The following SETDB2 variants were observed in gnomAD, a reference collection of about 807,000 sequenced individuals.
SETDB2 encodes histone-lysine N-methyltransferase SETDB2.
SETDB2 carries 56 observed loss-of-function variants against 82.5 expected under a neutral mutation model. That is an observed-to-expected ratio of 0.68 (90% CI 0.55 to 0.85). The LOEUF (loss-of-function observed/expected upper bound fraction) is 0.85, where lower values mean the gene tolerates loss of function less well. Ranked by LOEUF, SETDB2 falls within the 40% of genes least tolerant of loss-of-function variation. The pLI is 0.00. For missense variants in SETDB2, 677 were observed against 816.4 expected (o/e 0.83, Z 2.08); for synonymous variants, 272 against 284.9 (o/e 0.95, Z 0.46).
chr13:49,459,818 A>G (rs181144361), intron 2 of SETDB2: 1 of 259,886 alleles, frequency 3.8e-6, no homozygotes, highest in African/African-American at 2.3e-5. Flanking sequence ...CATATACCCC[A>G]CAACCACTCT....
At chr13:49,477,139 C>A (rs1170414548) in intron 6 of SETDB2, 100 bp downstream of exon 6, 4 of 1,140,148 alleles carry the variant, frequency 3.5e-6, no homozygotes, top group Admixed American at 5.9e-5. Flanking sequence ...AAAACCTGTT[C>A]AAGAGTTACA....
At chr13:49,452,881 G>C (rs914248065) in intron 2 of SETDB2, among the ~76,000 whole-genome samples, 4 of 152,154 alleles carry the variant, frequency 2.6e-5, no homozygotes, top group Admixed American at 2.0e-4. Flanking sequence ...AAGGGTACAT[G>C]CTGTCAGCAT....
intron 10 of SETDB2, 59 bp downstream of exon 10, chr13:49,483,622 T>TTTG: frequency 2.7e-6 from 1 of 368,368 alleles, no homozygotes; most frequent in South Asian, 3.5e-5. Flanking sequence ...TTTTTTTTTT[T>TTTG]TTTTTTTTTT....
chr13:49,487,144 C>T (rs1958613156), intron 11 of SETDB2, among the ~76,000 whole-genome samples: 1 of 152,070 alleles, frequency 6.6e-6, no homozygotes, highest in East Asian at 1.9e-4. Context: ...ATGGCTTACA[C>T]GTAACCCATG....
intron 5 of SETDB2, among the ~76,000 whole-genome samples, chr13:49,472,623 C>T (rs1200852038): frequency 1.3e-5 from 2 of 151,968 alleles, no homozygotes; most frequent in African/African-American, 4.8e-5. Flanking sequence ...AAAGTTAACC[C>T]TCCTCTCCAT....
Position 49,481,076 on chromosome 13 carries a change from A to G in SETDB2, c.1116A>G (p.Leu372=). Residue 372 remains leucine (L), a synonymous_variant, in exon 8 of 14, where the codon CTA becomes CTG. Transcript: ENST00000611815. ...TEQKGWGVRC[L]DDIDRGTFVC... is the part of the protein sequence containing the mutation. ...AGAAGGGATGGGGTGTACGCTGTCT[A>G]GATGACATTGACAGAGGGACATTTG... is the stretch of plus-strand genomic sequence containing the variant. 1.2e-6 allele frequency: 2 copies of G among 1,613,832 alleles called. No homozygotes were observed. The highest frequency in any genetic ancestry group is 1.7e-6 in the Non-Finnish European group (2 of 1,179,822).
At chr13:49,450,743 A>G (rs555543798) in intron 1 of SETDB2, among the ~76,000 whole-genome samples, 1 of 152,180 alleles carries the variant, frequency 6.6e-6, no homozygotes, top group African/African-American at 2.4e-5. Context: ...GAAGTGGCAG[A>G]AGAATTTACA....
chr13:49,485,285 G>A lies in SETDB2; in HGVS notation c.1483-345G>A, dbSNP rs1958575865. On this transcript the variant is annotated intron_variant, in intron 10 of 13. Coordinates refer to ENST00000611815, the MANE Select transcript of SETDB2 (RefSeq NM_001160308.3). ...GTTTTTCATCTTTACACAACTTACA[G>A]TTGAAGGCAAATTTATAATCTAGTA... Among the ~76,000 whole-genome samples, 4 of 152,210 alleles carry A rather than the reference G, an allele frequency of 2.6e-5. No individual in the cohort carries two copies. In the South Asian group the frequency reaches 8.3e-4, roughly 31 times the overall value.
intron 5 of SETDB2, among the ~76,000 whole-genome samples, chr13:49,469,028 T>C (rs971246128): frequency 6.6e-6 from 1 of 152,200 alleles, no homozygotes; most frequent in African/African-American, 2.4e-5. Flanking sequence ...TATTTAGATA[T>C]TATATTTTAA....
At position 49,477,038 on chromosome 13, in the gene SETDB2, A is replaced by G. The variant is rs1482662816; in HGVS notation, c.868A>G (p.Ile290Val). ...TGACTGCTCTGAGGGCTGCATAGACATGTGAGTAGAAAAACATGGCGTTTC... is the reference window on the plus strand; with the variant it reads ...TGACTGCTCTGAGGGCTGCATAGACGTGTGAGTAGAAAAACATGGCGTTTC... ...SCDCSEGCID[I>V]TKCACLQLTA... Residue 290 changes from isoleucine to valine, a missense_variant and splice_region_variant, in exon 6 of 14, where the codon ATA (isoleucine) becomes GTA (valine). By Grantham distance (29) the Ile-to-Val change is conservative. Transcript: ENST00000611815. The G allele has an allele frequency of 3.2e-6, 5 of 1,564,934 alleles. No individual in the cohort carries two copies. The African/African-American group carries it at 4.1e-5, about 13-fold the overall frequency.
rs183976303 is a variant in SETDB2 at position 49,456,017 on chromosome 13, C to T, written c.17-4090C>T. On this transcript the variant is annotated intron_variant, in intron 2 of 13. Coordinates refer to ENST00000611815, the MANE Select transcript of SETDB2 (RefSeq NM_001160308.3). ...TCATGCTAAGTCACTAGCAGTTTTA[C>T]TCACCAGTGCCTTTGTACTATCAGT... 3.9e-5 allele frequency among the ~76,000 whole-genome samples: 6 copies of T among 152,208 alleles called. No individual in the cohort carries two copies. In the East Asian group the frequency reaches 9.6e-4, roughly 24 times the overall value.
intron 12 of SETDB2, among the ~76,000 whole-genome samples, chr13:49,490,136 C>T (rs1199007435): frequency 2.0e-5 from 3 of 151,044 alleles, no homozygotes. Flanking sequence ...AAAAATTAGC[C>T]GTGTGTCATG....
At chr13:49,482,523 G>T (rs1566172869) in intron 8 of SETDB2, among the ~76,000 whole-genome samples, 1 of 151,042 alleles carries the variant, frequency 6.6e-6, no homozygotes, top group African/African-American at 2.4e-5. Flanking sequence ...CAGACAAATG[G>T]TTTTTTTTTA....
At chr13:49,452,506 G>GA (rs1164954052) in intron 2 of SETDB2, among the ~76,000 whole-genome samples, 1 of 152,116 alleles carries the variant, frequency 6.6e-6, no homozygotes, top group Non-Finnish European at 1.5e-5. Flanking sequence ...CTTTATCTAT[G>GA]ATTAACATTT....
intron 2 of SETDB2, among the ~76,000 whole-genome samples, chr13:49,452,251 A>T (rs1324603767): frequency 6.6e-6 from 1 of 152,034 alleles, no homozygotes; most frequent in Non-Finnish European, 1.5e-5. Context: ...AGCTGGGATT[A>T]CAGGCATGTG....
Position 49,473,871 on chromosome 13 carries a change from A to T in SETDB2, c.306-2605A>T, listed in dbSNP as rs1177965710. On this transcript the variant is annotated intron_variant, in intron 5 of 13. Coordinates refer to ENST00000611815, the MANE Select transcript of SETDB2 (RefSeq NM_001160308.3). Reference sequence around the variant, plus strand: ...AGTTCAGGTTATACCATAATTCCTTATAAGAAAAAGTGGTAAGAAGGAACT... The same window carrying T: ...AGTTCAGGTTATACCATAATTCCTTTTAAGAAAAAGTGGTAAGAAGGAACT... Among the ~76,000 whole-genome samples the T allele has an allele frequency of 2.6e-5, 4 of 152,352 alleles. No homozygotes were observed. The East Asian group carries it at 7.7e-4, about 29-fold the overall frequency.
At chr13:49,450,513 T>A (rs1220718427) in intron 1 of SETDB2, among the ~76,000 whole-genome samples, 1 of 152,224 alleles carries the variant, frequency 6.6e-6, no homozygotes, top group Non-Finnish European at 1.5e-5. Context: ...CTTCTTCAGA[T>A]ATTTGAGGAC....
Position 49,480,227 on chromosome 13 carries a change from G to A in SETDB2, c.878G>A (p.Cys293Tyr), listed in dbSNP as rs779303418. 2.5e-6 allele frequency: 4 copies of A among 1,604,228 alleles called. No individual in the cohort carries two copies. The highest frequency in any genetic ancestry group is 2.2e-5 in the South Asian group (2 of 88,970). The stretch of plus-strand genomic sequence containing the variant: ...CATTGCCTGCCTTTTAGAACAAAAT[G>A]TGCATGTCTTCAACTGACAGCAAGG... ...CSEGCIDITK[C>Y]ACLQLTARNA... The change falls in exon 7 of 14, where the codon TGT (cysteine) becomes TAT (tyrosine). Residue 293 changes from cysteine (C) to tyrosine (Y), a missense_variant. Transcript: ENST00000611815.
chr13:49,464,500 ATTTCT>A (rs1353020521), intron 4 of SETDB2, among the ~76,000 whole-genome samples: 1 of 152,178 alleles, frequency 6.6e-6, no homozygotes, highest in Non-Finnish European at 1.5e-5. Flanking sequence ...AATTCTAAAC[ATTTCT>A]TTTCTTTCTG....
Sources: allele counts gnomAD v4.1 joint callset (sites outside exome capture counted in the v4.1 genomes callset), GRCh38; gene constraint gnomAD v4.1.1; transcripts MANE v1.5; gene names NCBI Gene and HGNC (gene_info 2026-07-23, HGNC 2026-07-21).